Variants in OSBPL8 observed in about 807,000 individuals in gnomAD.
The protein encoded by OSBPL8 is oxysterol binding protein like 8, also known as oxysterol-binding protein-related protein 8.
In OSBPL8, 59 loss-of-function variants were observed where a neutral mutation model predicts 125.5. The observed-to-expected ratio is 0.47, with a 90% CI of 0.38 to 0.58. The LOEUF (loss-of-function observed/expected upper bound fraction) is 0.58, where lower values mean the gene tolerates loss of function less well. OSBPL8 is among the 20% of genes least tolerant of loss of function. The pLI is 0.00. For missense variants in OSBPL8, 758 were observed against 1,047.8 expected, an observed-to-expected ratio of 0.72 and a Z score of 3.82; for synonymous variants, 330 against 338.9, an observed-to-expected ratio of 0.97 and a Z score of 0.29.
At chr12:76,435,190 A>C (rs1310779165) in intron 4 of OSBPL8, among the ~76,000 whole-genome samples, 1 of 146,528 alleles carries the variant, frequency 6.8e-6, no homozygotes, top group African/African-American at 2.6e-5. Flanking sequence ...GTGTGTGCAT[A>C]TATACATAAA....
intron 4 of OSBPL8, among the ~76,000 whole-genome samples, chr12:76,429,868 G>GA (rs987575392): frequency 6.1e-4 from 87 of 143,080 alleles, no homozygotes; most frequent in African/African-American, 2.2e-3. Flanking sequence ...TGTAAGGTGA[G>GA]ACTCACAGAC....
chr12:76,479,040 G>A (rs1199441111), intron 2 of OSBPL8, among the ~76,000 whole-genome samples: 7 of 152,130 alleles, frequency 4.6e-5, no homozygotes, highest in Admixed American at 2.6e-4. Flanking sequence ...CAGCCTGGGC[G>A]ACAGAGCGAG....
chr12:76,451,025 TC>T (rs1176528640), intron 3 of OSBPL8, 37 bp from the exon 4 acceptor site: 1 of 1,592,530 alleles, frequency 6.3e-7, no homozygotes, highest in South Asian at 1.1e-5. Flanking sequence ...AGTACTGAAG[TC>T]ACAGATTTAC....
chr12:76,520,289 G>C lies in OSBPL8; in HGVS notation c.-67-32671C>G, dbSNP rs1592841777. Among the ~76,000 whole-genome samples, 4 of 152,262 alleles carry C rather than the reference G, an allele frequency of 2.6e-5. 1 individual carries two copies. The highest frequency in any genetic ancestry group is 2.6e-4 in the Admixed American group (4 of 15,288). On this transcript the variant is annotated intron_variant, in intron 1 of 23. Transcript: ENST00000261183. Reference sequence around the variant, plus strand: ...GACTCCATTTCTTCTCTAGTGCAGAGTTCTTTCTTCCTTGGCATGCAAAGT... The same window carrying C: ...GACTCCATTTCTTCTCTAGTGCAGACTTCTTTCTTCCTTGGCATGCAAAGT...
rs529660964 is a variant in OSBPL8 at position 76,556,297 on chromosome 12, T to C, written c.-68+3100A>G. 6.6e-5 allele frequency among the ~76,000 whole-genome samples: 10 copies of C among 152,278 alleles called. No individual in the cohort carries two copies. The East Asian group carries it at 1.4e-3, about 21-fold the overall frequency. On this transcript the variant is annotated intron_variant, in intron 1 of 23. Transcript: ENST00000261183. Reference sequence around the variant, plus strand: ...AGGTAAAAATAACAGGGTATAAGAATATGATGCTCTAGGACTAGGATTTCT... The same window carrying C: ...AGGTAAAAATAACAGGGTATAAGAACATGATGCTCTAGGACTAGGATTTCT...
chr12:76,506,396 G>A (rs1232003130), intron 1 of OSBPL8, among the ~76,000 whole-genome samples: 10 of 152,146 alleles, frequency 6.6e-5, no homozygotes, highest in Non-Finnish European at 1.0e-4. Context: ...GTTAGCATAC[G>A]GATGGAATTT....
At chr12:76,477,670 A>C (rs1443555862) in intron 2 of OSBPL8, among the ~76,000 whole-genome samples, 1 of 152,178 alleles carries the variant, frequency 6.6e-6, no homozygotes, top group African/African-American at 2.4e-5. Flanking sequence ...GTAAAAACTA[A>C]GTAAATCTGA....
intron 4 of OSBPL8, among the ~76,000 whole-genome samples, chr12:76,420,285 C>T (rs967799457): frequency 6.6e-6 from 1 of 152,020 alleles, no homozygotes; most frequent in African/African-American, 2.4e-5. Flanking sequence ...CAACTATGTA[C>T]TAAAATGTAC....
intron 21 of OSBPL8, among the ~76,000 whole-genome samples, chr12:76,362,297 T>C: frequency 2.8e-5 from 1 of 35,582 alleles, no homozygotes; most frequent in South Asian, 2.0e-3. Context: ...TAAAATACCG[T>C]CAAACCGAAT....
chr12:76,483,482 T>C (rs938676282), intron 2 of OSBPL8, among the ~76,000 whole-genome samples: 2 of 144,232 alleles, frequency 1.4e-5, no homozygotes. Context: ...GCAAACTGCT[T>C]GAATCAGGGA....
At chr12:76,462,542 A>G (rs1874864407) in intron 2 of OSBPL8, among the ~76,000 whole-genome samples, 1 of 152,236 alleles carries the variant, frequency 6.6e-6, no homozygotes, top group Non-Finnish European at 1.5e-5. Context: ...ACCAAGGGAC[A>G]TAGCAGTAAG....
chr12:76,463,778 C>T (rs1875034342), intron 2 of OSBPL8, among the ~76,000 whole-genome samples: 1 of 152,164 alleles, frequency 6.6e-6, no homozygotes, highest in Non-Finnish European at 1.5e-5. Flanking sequence ...TCCAGAGTTG[C>T]TTGTAAGTGA....
At chr12:76,535,886 A>AT (rs1950481006) in intron 1 of OSBPL8, among the ~76,000 whole-genome samples, 1 of 152,192 alleles carries the variant, frequency 6.6e-6, no homozygotes, top group Non-Finnish European at 1.5e-5. Context: ...AAAGGGAAAG[A>AT]TTAAGTTCAA....
intron 1 of OSBPL8, among the ~76,000 whole-genome samples, chr12:76,509,769 T>C (rs559177775): frequency 4.6e-4 from 70 of 152,236 alleles, no homozygotes; most frequent in Middle Eastern, 3.4e-3. Context: ...TATCCCACTG[T>C]GTACAACTTT....
At chr12:76,483,366 C>A (rs900645812) in intron 2 of OSBPL8, among the ~76,000 whole-genome samples, 2 of 151,246 alleles carry the variant, frequency 1.3e-5, no homozygotes, top group African/African-American at 4.9e-5. Flanking sequence ...AGTTCCAGAC[C>A]ATCTGGCCAA....
intron 4 of OSBPL8, among the ~76,000 whole-genome samples, chr12:76,441,449 A>T (rs1872171400): frequency 6.6e-6 from 1 of 152,184 alleles, no homozygotes; most frequent in Non-Finnish European, 1.5e-5. Context: ...ACTTGGCTAC[A>T]TATTTATTAA....
At chr12:76,501,979 C>G (rs1307091738) in intron 1 of OSBPL8, among the ~76,000 whole-genome samples, 2 of 152,244 alleles carry the variant, frequency 1.3e-5, no homozygotes, top group African/African-American at 4.8e-5. Context: ...AGAAGAAACT[C>G]ATTTCACAGC....
intron 1 of OSBPL8, among the ~76,000 whole-genome samples, chr12:76,522,628 C>T (rs892404602): frequency 6.6e-6 from 1 of 152,184 alleles, no homozygotes; most frequent in Non-Finnish European, 1.5e-5. Context: ...CCTTCTCTGT[C>T]ATGTTCTGAT....
intron 4 of OSBPL8, among the ~76,000 whole-genome samples, chr12:76,418,554 G>A (rs1246659174): frequency 6.6e-6 from 1 of 152,182 alleles, no homozygotes; most frequent in African/African-American, 2.4e-5. Context: ...ATTCAGGTCA[G>A]ATGAGGTGGC....
Sources: gnomAD v4.1 joint callset for allele counts (sites outside exome capture counted in the v4.1 genomes callset) on GRCh38, gnomAD v4.1.1 for gene constraint, MANE v1.5 for transcripts, NCBI Gene and HGNC (gene_info 2026-07-23, HGNC 2026-07-21) for gene names.